BUB1: variants seen among roughly 807,000 people sequenced by gnomAD.
The protein encoded by BUB1 is BUB1 mitotic checkpoint serine/threonine kinase.
A neutral mutation model predicts 135.2 loss-of-function variants in BUB1; 84 were observed. The observed-to-expected ratio is 0.62, with a 90% CI of 0.52 to 0.74. BUB1 has a LOEUF of 0.74. Among genes scored for constraint, BUB1 ranks in the 30% least tolerant of loss-of-function variants. BUB1 has a pLI of 0.00. For synonymous variants in BUB1, 403 were observed against 434.4 expected (o/e 0.93, Z 0.90); for missense variants, 1,162 against 1,288.3 (o/e 0.90, Z 1.50).
chr2:110,678,026 A>C lies in BUB1; in HGVS notation c.-31T>G. The C allele has an allele frequency of 6.3e-7, 1 of 1,593,540 alleles. No individual in the cohort carries two copies. On this transcript the variant is annotated 5_prime_UTR_variant, in exon 1 of 25. Transcript: ENST00000302759. ...GAGGACGCTGGCCGGCAGCGGCCAA[A>C]CCTGAACCGCAAACTAGAAGCCGCC...
At chr2:110,659,036 A>G (rs1219050758) in intron 11 of BUB1, among the ~76,000 whole-genome samples, 1 of 152,186 alleles carries the variant, frequency 6.6e-6, no homozygotes, top group Non-Finnish European at 1.5e-5. Flanking sequence ...TTATACCCTT[A>G]GTGCCACTGT....
At chr2:110,656,459 C>T (rs1372108839) in intron 15 of BUB1, among the ~76,000 whole-genome samples, 2 of 152,094 alleles carry the variant, frequency 1.3e-5, no homozygotes, top group African/African-American at 4.8e-5. Context: ...CACTTTTGAA[C>T]ACTAGTCAGA....
At chr2:110,639,703 T>G in intron 24 of BUB1, 39 bp downstream of exon 24, 2 of 1,454,750 alleles carry the variant, frequency 1.4e-6, no homozygotes, top group African/African-American at 1.4e-5. Context: ...TCTACTTTAG[T>G]TATTCTCTTT....
At chr2:110,641,872 T>G (rs1559163496) in intron 20 of BUB1, 69 bp from the exon 21 acceptor site, 4 of 1,481,346 alleles carry the variant, frequency 2.7e-6, no homozygotes, top group Non-Finnish European at 2.7e-6. Flanking sequence ...TAAAGCAACC[T>G]CTATCCCAAT....
At chr2:110,655,443 T>C (rs1272489837) in intron 16 of BUB1, among the ~76,000 whole-genome samples, 1 of 152,220 alleles carries the variant, frequency 6.6e-6, no homozygotes, top group Admixed American at 6.5e-5. Context: ...GCTCTATCTA[T>C]ACAAATGGGT....
rs181451932 is a variant in BUB1 at position 110,637,535 on chromosome 2, C to A, written c.*429G>T. Among the ~76,000 whole-genome samples, 2 of 151,822 alleles carry A rather than the reference C, an allele frequency of 1.3e-5. No homozygotes were observed. The highest frequency in any genetic ancestry group is 3.9e-4 in the East Asian group (2 of 5,174). On this transcript the variant is annotated 3_prime_UTR_variant, in exon 25 of 25. Transcript: ENST00000302759. ...AATGAAGAACAGGTACAATAAAGGACAGGCAAGCTTTATTCATAAAAACTT... is the reference window on the plus strand; with the variant it reads ...AATGAAGAACAGGTACAATAAAGGAAAGGCAAGCTTTATTCATAAAAACTT...
At chr2:110,652,370 AT>A (rs200999032) in intron 17 of BUB1, among the ~76,000 whole-genome samples, 2,795 of 152,190 alleles carry the variant, frequency 0.018, 42 homozygotes, top group Non-Finnish European at 0.025. Flanking sequence ...TTTCTTGGTG[AT>A]TTTGGTATTG....
At chr2:110,654,338 T>C (rs1689865304) in intron 16 of BUB1, among the ~76,000 whole-genome samples, 1 of 152,048 alleles carries the variant, frequency 6.6e-6, no homozygotes, top group South Asian at 2.1e-4. Flanking sequence ...GCAATATTTA[T>C]TACTCTCCAT....
intron 4 of BUB1, among the ~76,000 whole-genome samples, chr2:110,672,097 C>T (rs537808241): frequency 3.3e-5 from 5 of 152,010 alleles, no homozygotes; most frequent in South Asian, 4.1e-4. Flanking sequence ...CATGGTGGCA[C>T]GTCCCTATAG....
At chr2:110,644,478 CAAAAAAA>C (rs57312823) in intron 19 of BUB1, among the ~76,000 whole-genome samples, 1 of 63,164 alleles carries the variant, frequency 1.6e-5, no homozygotes, top group Non-Finnish European at 3.6e-5. Flanking sequence ...AACCCCGTCT[CAAAAAAA>C]AAAAAAAAAA....
chr2:110,637,883 A>C lies in BUB1; in HGVS notation c.*81T>G. 1 of 987,950 alleles carries C rather than the reference A, an allele frequency of 1.0e-6. No homozygotes were observed. Among genetic ancestry groups the C allele is most frequent in the Non-Finnish European group, 1.4e-6 (1 of 716,280 alleles). The allele number at this position is 987,950 out of a possible 1,614,324, so 61.2% of individuals were successfully genotyped here. A position where few individuals can be genotyped will look rare whatever the true frequency, so the allele number is the denominator to read the frequency against. ...ATTTTTAACAAACATTTACATAAAC[A>C]ATAAATGAAAAAAAAACAGGTTTAA... is the stretch of plus-strand genomic sequence containing the variant. On this transcript the variant is annotated 3_prime_UTR_variant, in exon 25 of 25. Coordinates refer to ENST00000302759, the MANE Select transcript of BUB1 (RefSeq NM_004336.5).
Position 110,655,817 on chromosome 2 carries a change from A to G in BUB1, c.1798T>C (p.Phe600Leu). Residue 600 changes from phenylalanine (F) to leucine (L), a missense_variant, in exon 16 of 25, where the codon TTC (phenylalanine) becomes CTC (leucine). Transcript: ENST00000302759. ...LAPSPKSPGD[F>L]TSAAQLASTP... ...GACGCAAGTTGTGCAGCAGATGTGA[A>G]GTCTCCTGGGCTCTTAGGACTGGGT... 1 of 1,614,076 alleles carries G rather than the reference A, an allele frequency of 6.2e-7. No homozygotes were observed. Among genetic ancestry groups the G allele is most frequent in the Middle Eastern group, 1.6e-4 (1 of 6,062 alleles).
intron 19 of BUB1, chr2:110,642,518 G>T (rs1689531150): frequency 5.2e-6 from 1 of 190,668 alleles, no homozygotes; most frequent in South Asian, 1.3e-4. Context: ...GCCACTTCTG[G>T]ACTGTGACAG....
chr2:110,674,030 A>G, intron 3 of BUB1, 56 bp downstream of exon 3: 1 of 1,372,780 alleles, frequency 7.3e-7, no homozygotes, highest in Non-Finnish European at 1.0e-6. Flanking sequence ...TCTAAGTTTA[A>G]AAAGCAAAAG....
At chr2:110,664,439 A>C (rs901116952) in intron 9 of BUB1, among the ~76,000 whole-genome samples, 2 of 152,052 alleles carry the variant, frequency 1.3e-5, no homozygotes, top group Non-Finnish European at 2.9e-5. Flanking sequence ...GTCTTTAAAA[A>C]CTCTGAGGGA....
chr2:110,647,901 C>G lies in BUB1; in HGVS notation c.2347+1333G>C, dbSNP rs551427543. On this transcript the variant is annotated intron_variant, in intron 19 of 24. Coordinates refer to ENST00000302759, the MANE Select transcript of BUB1 (RefSeq NM_004336.5). ...CTAAAACCCAAAACGCTGACAACCACCTAATGAGGGCAAGACTGGGGAACA... is the reference window on the plus strand; with the variant it reads ...CTAAAACCCAAAACGCTGACAACCAGCTAATGAGGGCAAGACTGGGGAACA... 3.9e-5 allele frequency among the ~76,000 whole-genome samples: 6 copies of G among 152,266 alleles called. No individual in the cohort carries two copies. In the South Asian group the frequency reaches 1.0e-3, roughly 26 times the overall value.
intron 19 of BUB1, among the ~76,000 whole-genome samples, chr2:110,644,960 T>C (rs572972705): frequency 6.6e-6 from 1 of 152,158 alleles, no homozygotes; most frequent in South Asian, 2.1e-4. Context: ...AATGGAATTA[T>C]GAAAGAACTC....
At chr2:110,653,201 G>A (rs1689828204) in intron 17 of BUB1, among the ~76,000 whole-genome samples, 1 of 152,156 alleles carries the variant, frequency 6.6e-6, no homozygotes, top group South Asian at 2.1e-4. Flanking sequence ...TTTCTCTGAT[G>A]TTTTCTCATC....
rs983363796 is a variant in BUB1 at position 110,672,852 on chromosome 2, C to G, written c.231G>C (p.Glu77Asp). The change falls in exon 4 of 25, where the codon GAG becomes GAC. Residue 77 changes from glutamate to aspartate, a missense_variant. Physicochemically the swap from Glu to Asp is conservative, Grantham distance 45. Transcript: ENST00000302759. ...AAAATTGATGGAGGTCACTGTTGTA[C>G]TCAGCCTACACGAACCCAAAACAAA... ...RFISYCLKFA[E>D]YNSDLHQFFE... The G allele has an allele frequency of 1.2e-6, 2 of 1,601,066 alleles. No homozygotes were observed. Among genetic ancestry groups the G allele is most frequent in the Non-Finnish European group, 1.7e-6 (2 of 1,174,458 alleles).
Sources: allele counts gnomAD v4.1 joint callset (sites outside exome capture counted in the v4.1 genomes callset), GRCh38; gene constraint gnomAD v4.1.1; transcripts MANE v1.5; gene names NCBI Gene and HGNC (gene_info 2026-07-23, HGNC 2026-07-21).